Variants in PAMR1 observed in about 807,000 individuals in gnomAD.
PAMR1 encodes inactive serine protease PAMR1.
Under a neutral mutation model 81.8 loss-of-function variants are expected in PAMR1, and 88 were observed. That is an observed-to-expected ratio of 1.08 (90% CI 0.91 to 1.28). PAMR1 has a LOEUF of 1.28. Ranked by LOEUF, PAMR1 falls within the 50% of genes most tolerant of loss-of-function variation. The probability of loss-of-function intolerance (pLI) is 0.00; values close to 1 mark genes in which losing one functional copy is unlikely to be tolerated. For missense variants in PAMR1, 935 were observed against 919.7 expected, an observed-to-expected ratio of 1.02 and a Z score of -0.21; for synonymous variants, 336 against 345.3, an observed-to-expected ratio of 0.97 and a Z score of 0.30.
At chr11:35,461,342 C>T (rs555578605) in intron 6 of PAMR1, among the ~76,000 whole-genome samples, 2 of 152,298 alleles carry the variant, frequency 1.3e-5, no homozygotes, top group Admixed American at 1.3e-4. Context: ...AGTCTTGCTG[C>T]ATTGTTTACA....
Position 35,525,519 on chromosome 11 carries a change from G to T in PAMR1, c.67C>A (p.Pro23Thr). The change falls in exon 1 of 11, where the codon CCA (proline) becomes ACA (threonine). Residue 23 changes from proline (P) to threonine (T), a missense_variant. Physicochemically the swap from Pro to Thr is conservative, Grantham distance 38. Transcript: ENST00000619888. ...FLQLLLISSL[P>T]REYTVINEAC... is the part of the protein sequence containing the mutation. ...CGGACGCTACTCACAGTACCTCTTG[G>T]CAAGGACGAGATGAGAAGGAGCTGA... 1 of 1,613,688 alleles carries T rather than the reference G, an allele frequency of 6.2e-7. No individual in the cohort carries two copies. Among genetic ancestry groups the T allele is most frequent in the Non-Finnish European group, 8.5e-7 (1 of 1,179,674 alleles).
chr11:35,504,561 C>T (rs1850914516), intron 1 of PAMR1, among the ~76,000 whole-genome samples: 1 of 151,990 alleles, frequency 6.6e-6, no homozygotes. Context: ...CCTTGTTACT[C>T]ATTATTGGAT....
At chr11:35,438,022 T>C (rs946466580) in intron 8 of PAMR1, among the ~76,000 whole-genome samples, 3 of 152,240 alleles carry the variant, frequency 2.0e-5, no homozygotes, top group African/African-American at 7.2e-5. Context: ...TCAATTTCAG[T>C]CACCGGAATT....
chr11:35,439,568 G>T, intron 8 of PAMR1, 59 bp downstream of exon 8: 2 of 1,335,450 alleles, frequency 1.5e-6, no homozygotes, highest in Non-Finnish European at 2.2e-6. Context: ...TGGGGAAGGG[G>T]AATGGAAGGG....
chr11:35,448,925 C>T (rs892074853), intron 6 of PAMR1, among the ~76,000 whole-genome samples: 2 of 152,192 alleles, frequency 1.3e-5, no homozygotes, highest in African/African-American at 2.4e-5. Context: ...AGGTCCACTC[C>T]AGACTCTATT....
At chr11:35,524,324 G>T (rs1275878467) in intron 1 of PAMR1, among the ~76,000 whole-genome samples, 1 of 152,186 alleles carries the variant, frequency 6.6e-6, no homozygotes, top group Non-Finnish European at 1.5e-5. Context: ...TGGGCAGGCA[G>T]GCTCTAGGTA....
intron 6 of PAMR1, 104 bp from the exon 7 acceptor site, chr11:35,441,797 G>A: frequency 1.4e-6 from 1 of 692,118 alleles, no homozygotes; most frequent in East Asian, 2.8e-5. Flanking sequence ...AATGATATAG[G>A]ATCTGGTGCT....
chr11:35,483,361 G>A (rs887930349), intron 3 of PAMR1, among the ~76,000 whole-genome samples: 1 of 152,190 alleles, frequency 6.6e-6, no homozygotes, highest in African/African-American at 2.4e-5. Context: ...TTATAAAGCT[G>A]CAAGGTGACA....
intron 3 of PAMR1, among the ~76,000 whole-genome samples, chr11:35,484,595 C>A (rs1394799662): frequency 1.3e-5 from 2 of 152,238 alleles, no homozygotes; most frequent in Admixed American, 6.5e-5. Context: ...CGATAACTCA[C>A]CCTACAAACA....
chr11:35,501,133 CTT>C (rs34831742), intron 1 of PAMR1, among the ~76,000 whole-genome samples: 42 of 135,510 alleles, frequency 3.1e-4, no homozygotes, highest in East Asian at 1.8e-3. Flanking sequence ...CTTTTTTTTT[CTT>C]TTTTTTTTTT....
intron 3 of PAMR1, among the ~76,000 whole-genome samples, chr11:35,475,050 G>A (rs1401182590): frequency 6.6e-6 from 1 of 152,140 alleles, no homozygotes; most frequent in Non-Finnish European, 1.5e-5. Flanking sequence ...AAGTGACGGA[G>A]CAAAGACTCA....
intron 6 of PAMR1, among the ~76,000 whole-genome samples, chr11:35,452,577 A>G (rs1856440498): frequency 6.6e-6 from 1 of 152,218 alleles, no homozygotes; most frequent in Non-Finnish European, 1.5e-5. Flanking sequence ...CTTTAAAATA[A>G]TTACAGTTAT....
chr11:35,488,913 A>C (rs1850564822), intron 3 of PAMR1, among the ~76,000 whole-genome samples: 1 of 151,930 alleles, frequency 6.6e-6, no homozygotes, highest in Non-Finnish European at 1.5e-5. Context: ...CACCAATCGC[A>C]TGCTAGCCAT....
chr11:35,464,632 C>A (rs1466272773), intron 6 of PAMR1, among the ~76,000 whole-genome samples: 1 of 152,110 alleles, frequency 6.6e-6, no homozygotes, highest in East Asian at 1.9e-4. Flanking sequence ...GGTTGAGAAC[C>A]ACTGATTTAA....
At chr11:35,447,986 C>G (rs964929876) in intron 6 of PAMR1, among the ~76,000 whole-genome samples, 36 of 152,332 alleles carry the variant, frequency 2.4e-4, no homozygotes, top group Middle Eastern at 3.4e-3. Flanking sequence ...TCTCTTCTGG[C>G]TTGTAGGTTT....
At chr11:35,443,464 G>GT (rs1856223477) in intron 6 of PAMR1, among the ~76,000 whole-genome samples, 1 of 152,066 alleles carries the variant, frequency 6.6e-6, no homozygotes, top group Non-Finnish European at 1.5e-5. Context: ...CCAGTGTTTC[G>GT]TTTTCTGTTC....
chr11:35,493,815 T>C (rs1850672573), intron 2 of PAMR1, among the ~76,000 whole-genome samples: 1 of 152,216 alleles, frequency 6.6e-6, no homozygotes, highest in Admixed American at 6.5e-5. Context: ...TGTTTTATCA[T>C]TGTATTCCCA....
chr11:35,457,111 A>G (rs755689602), intron 6 of PAMR1, among the ~76,000 whole-genome samples: 28 of 152,138 alleles, frequency 1.8e-4, no homozygotes, highest in Admixed American at 4.6e-4. Context: ...GAAATGCCAG[A>G]TATCTTGTTA....
chr11:35,465,845 ATTAAG>A lies in PAMR1; in HGVS notation c.820+2151_820+2155del, dbSNP rs778365030. 2.1e-4 allele frequency among the ~76,000 whole-genome samples: 32 copies of A among 152,358 alleles called. No individual in the cohort carries two copies. In the East Asian group the frequency reaches 5.8e-3, roughly 28 times the overall value. On this transcript the variant is annotated intron_variant, in intron 6 of 10. Transcript: ENST00000619888. ...TAAAGTAATTTGAGACAGTTTGTGAATTAAGTTATGAATCAGTTCATAGTGACATA... is the reference window on the plus strand; with the variant it reads ...TAAAGTAATTTGAGACAGTTTGTGAATTATGAATCAGTTCATAGTGACATA...
Sources: allele counts gnomAD v4.1 joint callset (sites outside exome capture counted in the v4.1 genomes callset), GRCh38; gene constraint gnomAD v4.1.1; transcripts MANE v1.5; gene names NCBI Gene and HGNC (gene_info 2026-07-23, HGNC 2026-07-21).